The following MSL2 variants were observed in gnomAD, a reference collection of about 807,000 sequenced individuals.
MSL2 encodes the protein MSL complex subunit 2.
A neutral mutation model predicts 35.8 loss-of-function variants in MSL2; 2 were observed. The ratio of observed to expected loss-of-function variants is 0.06; its 90% confidence interval spans 0.02 to 0.18. The LOEUF (loss-of-function observed/expected upper bound fraction) is 0.18, where lower values mean the gene tolerates loss of function less well. Ranked by LOEUF, MSL2 falls within the 10% of genes least tolerant of loss-of-function variation. The pLI is 1.00. For synonymous variants in MSL2, 296 were observed against 255.7 expected (o/e 1.16, Z -1.50); for missense variants, 523 against 706.7 (o/e 0.74, Z 2.95).
intron 1 of MSL2, among the ~76,000 whole-genome samples, chr3:136,165,106 G>A (rs1439478473): frequency 1.3e-5 from 2 of 151,016 alleles, no homozygotes; most frequent in African/African-American, 2.4e-5. Flanking sequence ...AACTGCTGGC[G>A]CTCAGGTGAT....
At chr3:136,168,601 G>A (rs1259098882) in intron 1 of MSL2, among the ~76,000 whole-genome samples, 2 of 152,266 alleles carry the variant, frequency 1.3e-5, no homozygotes, top group South Asian at 4.1e-4. Flanking sequence ...TCACACATCT[G>A]AGCCTGTTGG....
At chr3:136,161,059 C>T (rs1339043156) in intron 1 of MSL2, among the ~76,000 whole-genome samples, 2 of 152,144 alleles carry the variant, frequency 1.3e-5, no homozygotes, top group Non-Finnish European at 1.5e-5. Context: ...TGCACTCCAG[C>T]CTGACGACAG....
At chr3:136,167,832 AC>A (rs887308439) in intron 1 of MSL2, among the ~76,000 whole-genome samples, 1 of 152,188 alleles carries the variant, frequency 6.6e-6, no homozygotes, top group Non-Finnish European at 1.5e-5. Context: ...TTTTTGTAAT[AC>A]CCTCAATCAA....
chr3:136,172,502 A>C (rs1940056744), intron 1 of MSL2, among the ~76,000 whole-genome samples: 1 of 152,168 alleles, frequency 6.6e-6, no homozygotes, highest in Admixed American at 6.5e-5. Context: ...GTGTCTTCTA[A>C]TGAAAGGCAA....
Position 136,195,839 on chromosome 3 carries a change from G to A in MSL2, c.-726C>T, listed in dbSNP as rs1940828755. The stretch of plus-strand genomic sequence containing the variant: ...TCAACCCGGAGGGGAAGGCCGGGGA[G>A]GAAGTGCGCGGGCCGCCGCCGGCGG... On this transcript the variant is annotated 5_prime_UTR_variant, in exon 1 of 2. Transcript: ENST00000309993. 4 of 983,678 alleles carry A rather than the reference G, an allele frequency of 4.1e-6. No individual in the cohort carries two copies. Among genetic ancestry groups the A allele is most frequent in the Non-Finnish European group, 4.8e-6 (4 of 828,762 alleles). 60.9% of individuals were successfully genotyped at this position (983,678 alleles called of 1,614,324 possible). A position where few individuals can be genotyped will look rare whatever the true frequency, so the allele number is the denominator to read the frequency against.
chr3:136,194,130 T>C (rs1940766559), intron 1 of MSL2, among the ~76,000 whole-genome samples: 3 of 152,268 alleles, frequency 2.0e-5, no homozygotes, highest in Admixed American at 2.0e-4. Flanking sequence ...ATTACTGCTT[T>C]GGCAGTTGCC....
At chr3:136,184,077 C>T (rs1207439694) in intron 1 of MSL2, among the ~76,000 whole-genome samples, 2 of 151,956 alleles carry the variant, frequency 1.3e-5, no homozygotes, top group African/African-American at 2.4e-5. Flanking sequence ...GGGCGGATCA[C>T]GAAGTCAGGA....
At position 136,195,372 on chromosome 3, in the gene MSL2, G is replaced by T; in HGVS notation, c.-259C>A. On this transcript the variant is annotated 5_prime_UTR_variant, in exon 1 of 2. Coordinates refer to ENST00000309993, the MANE Select transcript of MSL2 (RefSeq NM_018133.4). Reference sequence around the variant, plus strand: ...AGAAACCAGCGTTCGAGTTCGTCCGGAGCGACCACAGAGCGCAGAACGCGG... The same window carrying T: ...AGAAACCAGCGTTCGAGTTCGTCCGTAGCGACCACAGAGCGCAGAACGCGG... 8.1e-7 allele frequency: 1 copy of T among 1,227,756 alleles called. No individual in the cohort carries two copies. The allele number at this position is 1,227,756 out of a possible 1,614,324, so 76.1% of individuals were successfully genotyped here.
chr3:136,156,349 T>C (rs1939520727), intron 1 of MSL2, among the ~76,000 whole-genome samples: 2 of 151,894 alleles, frequency 1.3e-5, no homozygotes, highest in African/African-American at 4.8e-5. Flanking sequence ...GGGAAGCAAA[T>C]GGGAGAGGGA....
intron 1 of MSL2, among the ~76,000 whole-genome samples, chr3:136,193,269 G>A (rs1366372535): frequency 6.6e-6 from 1 of 152,014 alleles, no homozygotes; most frequent in African/African-American, 2.4e-5. Context: ...AAACCTCTGA[G>A]GTTCTTAACA....
At chr3:136,193,531 T>C (rs1231476549) in intron 1 of MSL2, among the ~76,000 whole-genome samples, 1 of 151,750 alleles carries the variant, frequency 6.6e-6, no homozygotes, top group African/African-American at 2.4e-5. Context: ...AGAAGGAAGT[T>C]ATGGCAGCTC....
At chr3:136,154,935 G>A (rs776894719) in intron 1 of MSL2, among the ~76,000 whole-genome samples, 96 of 152,214 alleles carry the variant, frequency 6.3e-4, no homozygotes, top group Middle Eastern at 3.4e-3. Flanking sequence ...TGGGCAGGGC[G>A]CAGTGGCTCA....
At chr3:136,180,630 G>A (rs1257884642) in intron 1 of MSL2, among the ~76,000 whole-genome samples, 1 of 151,154 alleles carries the variant, frequency 6.6e-6, no homozygotes, top group African/African-American at 2.4e-5. Flanking sequence ...AACCCGGGAG[G>A]CGGAGGTTGT....
At chr3:136,166,882 G>GT (rs1939869155) in intron 1 of MSL2, among the ~76,000 whole-genome samples, 1 of 152,098 alleles carries the variant, frequency 6.6e-6, no homozygotes, top group East Asian at 1.9e-4. Context: ...AATACTACTG[G>GT]TAAAGGCAGC....
rs2108057192 is a variant in MSL2, at chr3:136,151,699, T to C, written c.1182A>G (p.Thr394=). The C allele has an allele frequency of 6.2e-7, 1 of 1,614,136 alleles. No homozygotes were observed. ...PIATVPNGGT[T]PKISKTVLLS... is the part of the protein sequence containing the mutation. ...AAAGTACAGTTTTGCTGATTTTAGG[T>C]GTTGTGCCTCCATTGGGAACAGTTG... The change falls in exon 2 of 2, where the codon ACA becomes ACG. Residue 394 remains threonine, a synonymous_variant. Transcript: ENST00000309993. The surrounding 1 kb of genome is among the most constrained non-coding windows in gnomAD (Gnocchi z 5.2).
In MSL2 at chr3:136,195,824, G is replaced by C. The variant is rs1021193052; in HGVS notation, c.-711C>G. 1 of 984,856 alleles carries C rather than the reference G, an allele frequency of 1.0e-6. No individual in the cohort carries two copies. Among genetic ancestry groups the C allele is most frequent in the Non-Finnish European group, 1.2e-6 (1 of 829,728 alleles). The allele number at this position is 984,856 out of a possible 1,614,324, so 61.0% of individuals were successfully genotyped here. On this transcript the variant is annotated 5_prime_UTR_variant, in exon 1 of 2. Transcript: ENST00000309993. ...GGCGGGCGGGAGTCCTCAACCCGGA[G>C]GGGAAGGCCGGGGAGGAAGTGCGCG...
At chr3:136,190,882 A>C (rs1157066512) in intron 1 of MSL2, among the ~76,000 whole-genome samples, 1 of 152,236 alleles carries the variant, frequency 6.6e-6, no homozygotes, top group African/African-American at 2.4e-5. Context: ...TGTGGCCTAG[A>C]AAGTACAGTA....
intron 1 of MSL2, among the ~76,000 whole-genome samples, chr3:136,161,685 G>A (rs1366745714): frequency 6.6e-6 from 1 of 152,162 alleles, no homozygotes; most frequent in African/African-American, 2.4e-5. Flanking sequence ...GGTTGCCTAG[G>A]GCTGAGAGTG....
At chr3:136,158,528 C>G (rs148832094) in intron 1 of MSL2, among the ~76,000 whole-genome samples, 1 of 152,174 alleles carries the variant, frequency 6.6e-6, no homozygotes, top group East Asian at 1.9e-4. Flanking sequence ...TAAAACACAA[C>G]GCTTTCCTTC....
Sources: gnomAD v4.1 joint callset for allele counts (sites outside exome capture counted in the v4.1 genomes callset) on GRCh38, gnomAD v4.1.1 for gene constraint, Gnocchi (gnomAD v3.1) non-coding constraint, MANE v1.5 for transcripts, NCBI Gene and HGNC (gene_info 2026-07-23, HGNC 2026-07-21) for gene names.